Variants in POLD1 observed in about 807,000 individuals in gnomAD.
POLD1 encodes the protein DNA polymerase delta catalytic subunit.
A neutral mutation model predicts 129.7 loss-of-function variants in POLD1; 79 were observed. The observed-to-expected ratio is 0.61, with a 90% CI of 0.51 to 0.73. The LOEUF is 0.73. Ranked by LOEUF, POLD1 falls within the 30% of genes least tolerant of loss-of-function variation. The pLI, the probability that POLD1 is intolerant of heterozygous loss-of-function variation, is 0.00. For synonymous variants in POLD1, 714 were observed against 683.3 expected, an observed-to-expected ratio of 1.04 and a Z score of -0.70; for missense variants, 1,338 against 1,595.8, an observed-to-expected ratio of 0.84 and a Z score of 2.75.
chr19:50,387,051 G>T (rs1052245271), intron 1 of POLD1, among the ~76,000 whole-genome samples: 1 of 152,090 alleles, frequency 6.6e-6, no homozygotes, highest in Admixed American at 6.6e-5. Context: ...AATTAGCCGG[G>T]CGTGGTGGTG....
intron 8 of POLD1, 140 bp downstream of exon 8, chr19:50,402,881 A>G: frequency 7.4e-7 from 1 of 1,353,390 alleles, no homozygotes; most frequent in Non-Finnish European, 1.0e-6. Context: ...AGATGGAGTG[A>G]GCACAGAGGG....
At position 50,413,409 on chromosome 19, in the gene POLD1, G is replaced by T; in HGVS notation, c.2155-17G>T. 1 of 1,609,824 alleles carries T rather than the reference G, an allele frequency of 6.2e-7. No individual in the cohort carries two copies. Among genetic ancestry groups the T allele is most frequent in the Non-Finnish European group, 8.5e-7 (1 of 1,177,492 alleles). The stretch of plus-strand genomic sequence containing the variant: ...TGGCCCCCAGGGCTTCACTCCGCAT[G>T]ATTCTCTCCCCGACAGAGCGTCACG... On this transcript the variant is annotated splice_polypyrimidine_tract_variant and intron_variant, in intron 17 of 26. Transcript: ENST00000440232.
intron 15 of POLD1, 78 bp downstream of exon 15, chr19:50,408,979 A>G (rs2038997993): frequency 1.4e-6 from 2 of 1,451,704 alleles, no homozygotes; most frequent in African/African-American, 2.8e-5. Flanking sequence ...GGTGGGGGGC[A>G]TAGGCACAGG....
rs757464730 is a variant in POLD1, at chr19:50,409,473, A to T, written c.2007-46A>T. 1.9e-6 allele frequency: 3 copies of T among 1,612,226 alleles called. No individual in the cohort carries two copies. The African/African-American group carries it at 4.0e-5, about 22-fold the overall frequency. ...CACTTCCAGAAAGGAGCCCTGACCA[A>T]TGCCCAGGTGCCGCCTGAGTGTGCT... On this transcript the variant is annotated intron_variant, in intron 16 of 26. Transcript: ENST00000440232. This position sits in a 1 kb window ranked among gnomAD's most constrained non-coding sequence, Gnocchi z 5.8.
rs757112820 is a variant in POLD1, at chr19:50,414,977, C to T, written c.2551C>T (p.Leu851=). 7 of 1,587,558 alleles carry T rather than the reference C, an allele frequency of 4.4e-6. No individual in the cohort carries two copies. Among genetic ancestry groups the T allele is most frequent in the Non-Finnish European group, 5.1e-6 (6 of 1,166,146 alleles). The change falls in exon 20 of 27, where the codon CTG becomes TTG. Residue 851 remains leucine (L), a synonymous_variant. Transcript: ENST00000440232. ...CCTGGTCACTGCCTCACTGCGCCGC[C>T]TGCTCATCGACCGGTGTGTGGGGCC... is the stretch of plus-strand genomic sequence containing the variant. ...ANLVTASLRR[L]LIDRDPEGAV... is the part of the protein sequence containing the mutation.
In POLD1 at chr19:50,408,804, G is replaced by A. The variant is rs149569984; in HGVS notation, c.1795G>A (p.Ala599Thr). 2.6e-4 allele frequency: 420 copies of A among 1,613,792 alleles called. No individual in the cohort carries two copies. The highest frequency in any genetic ancestry group is 5.9e-4 in the African/African-American group (44 of 75,024). ...PLKGYYDVPI[A>T]TLDFSSLYPS... ...TCCCAGGTACTACGACGTCCCCATC[G>A]CCACCCTGGACTTCTCCTCGCTGTA... The change falls in exon 15 of 27, where the codon GCC becomes ACC. Residue 599 changes from alanine to threonine, a missense_variant. Transcript: ENST00000440232.
chr19:50,400,386 A>C (rs2038550130), intron 3 of POLD1, among the ~76,000 whole-genome samples: 1 of 149,264 alleles, frequency 6.7e-6, no homozygotes, highest in African/African-American at 2.5e-5. Context: ...ACGCCCGGCT[A>C]ATTTTTATAT....
chr19:50,385,937 G>A (rs544079135), intron 1 of POLD1, among the ~76,000 whole-genome samples: 77 of 152,134 alleles, frequency 5.1e-4, no homozygotes, highest in African/African-American at 1.9e-3. Context: ...TCTGACAGCT[G>A]CTGTTTGGAC....
In POLD1 at chr19:50,401,391, A is replaced by ATT. The variant is rs1203165864; in HGVS notation, c.317-364_317-363dup. On this transcript the variant is annotated intron_variant, in intron 3 of 26. Coordinates refer to ENST00000440232, the MANE Select transcript of POLD1 (RefSeq NM_002691.4). ...TGTATATATATATATATATATATATATTTTTTTTTTTTTTTTTTTTTTTTC... is the reference window on the plus strand; with the variant it reads ...TGTATATATATATATATATATATATATTTTTTTTTTTTTTTTTTTTTTTTTTC... Among the ~76,000 whole-genome samples the ATT allele has an allele frequency of 2.6e-3, 170 of 65,958 alleles. 5 individuals are homozygous for ATT. Among genetic ancestry groups the ATT allele is most frequent in the Non-Finnish European group, 3.3e-3 (129 of 39,002 alleles). The allele number at this position is 65,958 out of a possible 152,430, so 43.3% of individuals were successfully genotyped here. A position where few individuals can be genotyped will look rare whatever the true frequency, so the allele number is the denominator to read the frequency against.
In POLD1 at chr19:50,403,115, G is replaced by C. The variant is rs1422749121; in HGVS notation, c.1033G>C (p.Gly345Arg). The C allele has an allele frequency of 6.4e-7, 1 of 1,564,294 alleles. No homozygotes were observed. The highest frequency in any genetic ancestry group is 8.7e-7 in the Non-Finnish European group (1 of 1,153,900). ...IQICSLGLRW[G>R]EPEPFLRLAL... ...GATCTGCTCGCTGGGCCTGCGCTGG[G>C]GGGAGCCGGAGCCCTTCCTACGCCT... The change falls in exon 9 of 27, where the codon GGG becomes CGG. Residue 345 changes from glycine to arginine, a missense_variant. Physicochemically the swap from Gly to Arg is moderately radical, Grantham distance 125. Around this residue, in one of 3 missense-constraint regions of POLD1, gnomAD observed 720 missense variants for 1,002.6 expected, o/e 0.72. Coordinates refer to ENST00000440232, the MANE Select transcript of POLD1 (RefSeq NM_002691.4).
Position 50,406,977 on chromosome 19 carries a change from C to G in POLD1, c.1495-6C>G. The G allele has an allele frequency of 1.4e-6, 2 of 1,452,452 alleles. No individual in the cohort carries two copies. Among genetic ancestry groups the G allele is most frequent in the Non-Finnish European group, 1.9e-6 (2 of 1,074,302 alleles). 90.0% of individuals were successfully genotyped at this position (1,452,452 alleles called of 1,614,324 possible). A position where few individuals can be genotyped will look rare whatever the true frequency, so the allele number is the denominator to read the frequency against. On this transcript the variant is annotated splice_region_variant and splice_polypyrimidine_tract_variant and intron_variant, in intron 12 of 26. Coordinates refer to ENST00000440232, the MANE Select transcript of POLD1 (RefSeq NM_002691.4). This position sits in a 1 kb window ranked among gnomAD's most constrained non-coding sequence, Gnocchi z 5.5. ...GGTCCCTGACCCCATCCGTGCCCAT[C>G]CCCAGAATGGGAACGACCAGACCCG...
chr19:50,416,416 G>C lies in POLD1; in HGVS notation c.2841G>C (p.Glu947Asp). ...CGCAGGACCCGCTGTTCGTGCTGGA[G>C]CACAGCCTGCCCATTGACACGCAGT... Reference protein sequence around the residue: ...MKSEDPLFVLEHSLPIDTQYY... With the variant: ...MKSEDPLFVLDHSLPIDTQYY... The change falls in exon 23 of 27, where the codon GAG becomes GAC. Residue 947 changes from glutamate to aspartate, a missense_variant. Physicochemically the swap from Glu to Asp is conservative, Grantham distance 45. This residue lies in a region of POLD1 where 286 missense variants were observed against 277.5 expected (regional missense o/e 1.03). Coordinates refer to ENST00000440232, the MANE Select transcript of POLD1 (RefSeq NM_002691.4). The C allele has an allele frequency of 6.5e-7, 1 of 1,549,546 alleles. No individual in the cohort carries two copies.
chr19:50,417,140 G>A (rs2039332902), intron 25 of POLD1, 32 bp from the exon 26 acceptor site: 1 of 1,574,454 alleles, frequency 6.4e-7, no homozygotes, highest in East Asian at 2.3e-5. Flanking sequence ...TGGGGAGGCG[G>A]GGGCGCCCTG....
At chr19:50,412,127 C>G (rs1336332858) in intron 17 of POLD1, among the ~76,000 whole-genome samples, 2 of 152,164 alleles carry the variant, frequency 1.3e-5, no homozygotes, top group Non-Finnish European at 2.9e-5. Flanking sequence ...TTCTGGGTGA[C>G]AGAGTTGAGA....
chr19:50,402,348 G>A lies in POLD1; in HGVS notation c.733G>A (p.Glu245Lys), dbSNP rs878854556. The A allele has an allele frequency of 3.1e-6, 5 of 1,611,228 alleles. No homozygotes were observed. The highest frequency in any genetic ancestry group is 4.2e-6 in the Non-Finnish European group (5 of 1,177,876). The stretch of plus-strand genomic sequence containing the variant: ...GGGCACGCCCAGCTTCGCGCCCTAC[G>A]AGGCCAACGTCGACTTTGAGATCCG... Reference protein sequence around the residue: ...GLGTPSFAPYEANVDFEIRFM... With the variant: ...GLGTPSFAPYKANVDFEIRFM... Residue 245 changes from glutamate to lysine, a missense_variant, in exon 6 of 27, where the codon GAG becomes AAG. Coordinates refer to ENST00000440232, the MANE Select transcript of POLD1 (RefSeq NM_002691.4).
In POLD1 at chr19:50,417,938, G is replaced by A. The variant is rs1408373247; in HGVS notation, c.3315G>A (p.Glu1105=). The change falls in exon 27 of 27, where the codon GAG becomes GAA. Residue 1105 remains glutamate (E), a synonymous_variant. Transcript: ENST00000440232. ...LLRRFGPPGP[E]AW ...GGCGCTTCGGACCCCCTGGACCTGA[G>A]GCCTGGTGACCTTGCAAGCATCCCA... is the stretch of plus-strand genomic sequence containing the variant. 1.2e-6 allele frequency: 2 copies of A among 1,605,782 alleles called. No individual in the cohort carries two copies. Among genetic ancestry groups the A allele is most frequent in the Admixed American group, 1.7e-5 (1 of 59,450 alleles).
intron 3 of POLD1, among the ~76,000 whole-genome samples, chr19:50,400,211 A>ATTTTTTTTTTTTTTTTTT (rs549820323): frequency 1.5e-5 from 1 of 67,824 alleles, no homozygotes; most frequent in African/African-American, 6.8e-5. Flanking sequence ...CTGGCCAATA[A>ATTTTTTTTTTTTTTTTTT]TTTTTTTTTT....
chr19:50,401,863 G>T lies in POLD1; in HGVS notation c.402G>T (p.Gly134=), dbSNP rs777260240. 8.7e-6 allele frequency: 14 copies of T among 1,613,892 alleles called. 1 individual carries two copies. Among genetic ancestry groups the T allele is most frequent in the South Asian group, 2.2e-5 (2 of 91,090 alleles). Residue 134 remains glycine (G), a synonymous_variant, in exon 4 of 27, where the codon GGG becomes GGT. Coordinates refer to ENST00000440232, the MANE Select transcript of POLD1 (RefSeq NM_002691.4). ...GCGCCTTCGGGGTCACCGATGAGGG[G>T]TTCTCTGTCTGCTGCCACATCCACG... ...VLRAFGVTDE[G]FSVCCHIHGF...
chr19:50,391,007 T>C (rs553770159), intron 1 of POLD1, among the ~76,000 whole-genome samples: 10 of 152,156 alleles, frequency 6.6e-5, no homozygotes, highest in Non-Finnish European at 1.5e-4. Context: ...TGATCTCTCT[T>C]TCCTTTCCCA....
Sources: gnomAD v4.1 joint callset for allele counts (sites outside exome capture counted in the v4.1 genomes callset) on GRCh38, gnomAD v4.1.1 for gene constraint, gnomAD v4.1.1 regional missense constraint, Gnocchi (gnomAD v3.1) non-coding constraint, MANE v1.5 for transcripts, NCBI Gene and HGNC (gene_info 2026-07-23, HGNC 2026-07-21) for gene names.